The following CTXND1 variants were observed in gnomAD, a reference collection of about 807,000 sequenced individuals.
CTXND1 encodes cortexin domain containing 1.
chr15:80,201,653 G>A lies in CTXND1; in HGVS notation c.*117C>T, dbSNP rs1249897356. On this transcript the variant is annotated 3_prime_UTR_variant, in exon 3 of 3. Coordinates refer to ENST00000560778, the MANE Select transcript of CTXND1 (RefSeq NM_001352888.2). ...TAAGCTGCACCTTCTGTTTCCCTGGGTGGCCAGATTCATTCCTTGCCTCTG... is the reference window on the plus strand; with the variant it reads ...TAAGCTGCACCTTCTGTTTCCCTGGATGGCCAGATTCATTCCTTGCCTCTG... 2 of 397,506 alleles carry A rather than the reference G, an allele frequency of 5.0e-6. No homozygotes were observed. Among genetic ancestry groups the A allele is most frequent in the Admixed American group, 8.8e-5 (2 of 22,712 alleles). 24.6% of individuals were successfully genotyped at this position (397,506 alleles called of 1,614,324 possible). A position where few individuals can be genotyped will look rare whatever the true frequency, so the allele number is the denominator to read the frequency against.
chr15:80,239,644 TG>T (rs1250926816), intron 1 of CTXND1, among the ~76,000 whole-genome samples: 27 of 152,346 alleles, frequency 1.8e-4, no homozygotes, highest in African/African-American at 6.5e-4. Context: ...TGGGACCTTA[TG>T]ATTGTGTAAG....
chr15:80,225,896 A>G (rs2142132509), intron 1 of CTXND1, among the ~76,000 whole-genome samples: 1 of 152,214 alleles, frequency 6.6e-6, no homozygotes, highest in South Asian at 2.1e-4. Flanking sequence ...AAATGGAGGT[A>G]TAGATTCATT....
chr15:80,227,104 T>A (rs947726087), intron 1 of CTXND1, among the ~76,000 whole-genome samples: 2 of 152,224 alleles, frequency 1.3e-5, no homozygotes, highest in African/African-American at 4.8e-5. Context: ...GTAAAGTACA[T>A]CATTTTCTAT....
chr15:80,206,190 A>G (rs778195330), intron 1 of CTXND1, among the ~76,000 whole-genome samples: 5 of 152,250 alleles, frequency 3.3e-5, no homozygotes, highest in African/African-American at 4.8e-5. Context: ...CTTCACTTCA[A>G]AGCACTTCAG....
intron 1 of CTXND1, among the ~76,000 whole-genome samples, chr15:80,242,536 C>A (rs565779201): frequency 6.6e-6 from 1 of 152,310 alleles, no homozygotes; most frequent in South Asian, 2.1e-4. Flanking sequence ...TTTGCATGAA[C>A]AATGCCTCAC....
At chr15:80,251,900 G>C (rs1026697992) in intron 1 of CTXND1, 107 bp downstream of exon 1, 1 of 151,982 alleles carries the variant, frequency 6.6e-6, no homozygotes, top group Non-Finnish European at 1.5e-5. Context: ...CAGATCCTCC[G>C]CCTGCGGCCG....
At chr15:80,242,311 A>G (rs958771280) in intron 1 of CTXND1, among the ~76,000 whole-genome samples, 2 of 152,102 alleles carry the variant, frequency 1.3e-5, no homozygotes, top group Non-Finnish European at 2.9e-5. Flanking sequence ...ATCTGCAGAA[A>G]CTCTCCTGGC....
At chr15:80,205,229 T>C (rs1008762961) in intron 1 of CTXND1, among the ~76,000 whole-genome samples, 1 of 152,226 alleles carries the variant, frequency 6.6e-6, no homozygotes, top group African/African-American at 2.4e-5. Context: ...GGATATCCCA[T>C]AGTAAATTCA....
chr15:80,225,330 G>GT (rs906647795), intron 1 of CTXND1, among the ~76,000 whole-genome samples: 32 of 145,612 alleles, frequency 2.2e-4, no homozygotes, highest in African/African-American at 8.1e-4. Context: ...TAATGTGTGT[G>GT]TTTTTTTGTG....
At chr15:80,245,337 G>C (rs1893616806) in intron 1 of CTXND1, among the ~76,000 whole-genome samples, 1 of 152,184 alleles carries the variant, frequency 6.6e-6, no homozygotes, top group Non-Finnish European at 1.5e-5. Context: ...TTCCCGAAGA[G>C]ACAGTTCTGG....
chr15:80,211,388 C>T (rs893050361), intron 1 of CTXND1, among the ~76,000 whole-genome samples: 1 of 152,206 alleles, frequency 6.6e-6, no homozygotes, highest in African/African-American at 2.4e-5. Context: ...GGTGACCTGT[C>T]AGAATCACTT....
chr15:80,199,925 C>A lies in CTXND1; in HGVS notation c.*1845G>T, dbSNP rs1037824845. 1 of 152,240 alleles carries A rather than the reference C, an allele frequency of 6.6e-6. No homozygotes were observed. The highest frequency in any genetic ancestry group is 1.5e-5 in the Non-Finnish European group (1 of 68,102). 9.4% of individuals were successfully genotyped at this position (152,240 alleles called of 1,614,324 possible). ...TCTCTTGGATGGGGATGGAAGGCCACAGCTTGGAGGGATGGAATAAATGCA... is the reference window on the plus strand; with the variant it reads ...TCTCTTGGATGGGGATGGAAGGCCAAAGCTTGGAGGGATGGAATAAATGCA... On this transcript the variant is annotated 3_prime_UTR_variant, in exon 3 of 3. Coordinates refer to ENST00000560778, the MANE Select transcript of CTXND1 (RefSeq NM_001352888.2).
intron 1 of CTXND1, among the ~76,000 whole-genome samples, chr15:80,216,456 G>A (rs1893254387): frequency 6.6e-6 from 1 of 152,060 alleles, no homozygotes; most frequent in Admixed American, 6.6e-5. Context: ...CTACAAATTT[G>A]ACAACTGTTA....
At chr15:80,235,754 C>T (rs1202425133) in intron 1 of CTXND1, among the ~76,000 whole-genome samples, 1 of 151,924 alleles carries the variant, frequency 6.6e-6, no homozygotes, top group Non-Finnish European at 1.5e-5. Context: ...CCCTACCAAT[C>T]CCTTCTTCTC....
At chr15:80,250,611 G>C (rs1240364774) in intron 1 of CTXND1, among the ~76,000 whole-genome samples, 2 of 152,162 alleles carry the variant, frequency 1.3e-5, no homozygotes, top group Non-Finnish European at 2.9e-5. Context: ...TAAATAAACA[G>C]CTTCCCCACA....
intron 1 of CTXND1, among the ~76,000 whole-genome samples, chr15:80,214,421 C>T (rs1893231406): frequency 6.6e-6 from 1 of 151,992 alleles, no homozygotes; most frequent in Non-Finnish European, 1.5e-5. Flanking sequence ...CCAAAGGAGA[C>T]ATCCACAAAT....
intron 1 of CTXND1, among the ~76,000 whole-genome samples, chr15:80,224,383 C>G (rs1488834329): frequency 6.6e-6 from 1 of 152,158 alleles, no homozygotes; most frequent in Non-Finnish European, 1.5e-5. Context: ...AACAGGCAAC[C>G]AGAACAGTCT....
chr15:80,230,248 G>A (rs764163666), intron 1 of CTXND1, among the ~76,000 whole-genome samples: 1 of 152,180 alleles, frequency 6.6e-6, no homozygotes, highest in Non-Finnish European at 1.5e-5. Flanking sequence ...GTGTGATGAT[G>A]GGTCTCTAAA....
chr15:80,212,961 G>A (rs932603526), intron 1 of CTXND1, among the ~76,000 whole-genome samples: 1 of 152,210 alleles, frequency 6.6e-6, no homozygotes, highest in African/African-American at 2.4e-5. Context: ...CAAAAATAGA[G>A]GATTATTCAG....
Sources: gnomAD v4.1 joint callset for allele counts (sites outside exome capture counted in the v4.1 genomes callset) on GRCh38, gnomAD v4.1.1 for gene constraint, MANE v1.5 for transcripts, NCBI Gene and HGNC (gene_info 2026-07-23, HGNC 2026-07-21) for gene names.